C3orf20: variants seen among roughly 807,000 people sequenced by gnomAD.
The protein encoded by C3orf20 is uncharacterized protein C3orf20.
Under a neutral mutation model 88.3 loss-of-function variants are expected in C3orf20, and 76 were observed. The observed-to-expected ratio is 0.86, with a 90% CI of 0.72 to 1.04. The LOEUF (loss-of-function observed/expected upper bound fraction) is 1.04. Ranked by LOEUF, C3orf20 falls within the 50% of genes least tolerant of loss-of-function variation. The pLI is 0.00. For missense variants in C3orf20, 1,056 were observed against 1,123.3 expected, an observed-to-expected ratio of 0.94 and a Z score of 0.86; for synonymous variants, 436 against 437.4, an observed-to-expected ratio of 1.00 and a Z score of 0.04.
At chr3:14,714,317 G>A (rs2033865366) in intron 8 of C3orf20, among the ~76,000 whole-genome samples, 158 bp downstream of exon 8, 2 of 152,134 alleles carry the variant, frequency 1.3e-5, no homozygotes, top group South Asian at 4.1e-4. Context: ...TGTTTCTGCA[G>A]GGACATAGGA....
chr3:14,727,322 G>C (rs549937883), intron 11 of C3orf20, among the ~76,000 whole-genome samples: 1 of 152,286 alleles, frequency 6.6e-6, no homozygotes, highest in African/African-American at 2.4e-5. Flanking sequence ...TTTCTCGGTA[G>C]CTGGCTGTGT....
intron 4 of C3orf20, among the ~76,000 whole-genome samples, chr3:14,685,290 G>T (rs919332892): frequency 6.6e-6 from 1 of 152,080 alleles, no homozygotes; most frequent in Non-Finnish European, 1.5e-5. Flanking sequence ...ATCATTTATA[G>T]GTACATTACA....
rs1051829337 is a variant in C3orf20 at position 14,701,781 on chromosome 3, G to A, written c.746-1349G>A. Among the ~76,000 whole-genome samples the A allele has an allele frequency of 1.1e-4, 17 of 152,148 alleles. No individual in the cohort carries two copies. The highest frequency in any genetic ancestry group is 3.3e-4 in the Admixed American group (5 of 15,276). On this transcript the variant is annotated intron_variant, in intron 5 of 16. Coordinates refer to ENST00000253697, the MANE Select transcript of C3orf20 (RefSeq NM_032137.5). The surrounding 1 kb of genome is among the most constrained non-coding windows in gnomAD (Gnocchi z 4.6). Reference sequence around the variant, plus strand: ...AAAAGGGTCCAATTCAGTGAGGGCCGTCCAGCCCTGGAAATGCTCTCTTTT... The same window carrying A: ...AAAAGGGTCCAATTCAGTGAGGGCCATCCAGCCCTGGAAATGCTCTCTTTT...
chr3:14,738,820 T>TG (rs1333317439), intron 12 of C3orf20, among the ~76,000 whole-genome samples: 14 of 145,798 alleles, frequency 9.6e-5, no homozygotes, highest in African/African-American at 3.5e-4. Context: ...TTTTTGTTTT[T>TG]TTTTTTTTTT....
intron 12 of C3orf20, among the ~76,000 whole-genome samples, chr3:14,729,793 G>A (rs925709978): frequency 2.3e-4 from 35 of 152,290 alleles, no homozygotes; most frequent in Admixed American, 1.1e-3. Context: ...TGATCCACCC[G>A]CCTGGGCTCC....
At chr3:14,749,560 G>C (rs1047210867) in intron 12 of C3orf20, among the ~76,000 whole-genome samples, 5 of 151,946 alleles carry the variant, frequency 3.3e-5, no homozygotes, top group African/African-American at 9.7e-5. Flanking sequence ...ACTGATCTGA[G>C]TTTTGTTTAA....
intron 12 of C3orf20, among the ~76,000 whole-genome samples, chr3:14,730,344 G>C (rs2034498514): frequency 6.6e-6 from 1 of 152,138 alleles, no homozygotes; most frequent in South Asian, 2.1e-4. Context: ...TTGGGAGATA[G>C]AGACCATCCT....
chr3:14,692,820 GGAGAGTTT>G (rs1259998515), intron 5 of C3orf20, among the ~76,000 whole-genome samples: 1 of 152,142 alleles, frequency 6.6e-6, no homozygotes, highest in African/African-American at 2.4e-5. Context: ...CCAACGTCCT[GGAGAGTTT>G]CCCCTAATGT....
chr3:14,704,229 A>G (rs2033400988), intron 6 of C3orf20, 108 bp from the exon 7 acceptor site: 1 of 1,159,564 alleles, frequency 8.6e-7, no homozygotes, highest in Non-Finnish European at 1.2e-6. Context: ...TACTTTGGGG[A>G]CAGGGGAATG....
chr3:14,685,836 G>A (rs1188644606), intron 4 of C3orf20, among the ~76,000 whole-genome samples: 1 of 133,050 alleles, frequency 7.5e-6, no homozygotes, highest in African/African-American at 2.8e-5. Context: ...CACTTATGTT[G>A]TAGCAAATGG....
chr3:14,684,723 T>C (rs889205263), intron 4 of C3orf20, among the ~76,000 whole-genome samples: 2 of 152,182 alleles, frequency 1.3e-5, no homozygotes, highest in Admixed American at 6.5e-5. Context: ...TTTAAACACA[T>C]GATAAATGTC....
At position 14,683,232 on chromosome 3, in the gene C3orf20, A is replaced by C. The variant is rs567176613; in HGVS notation, c.484+35A>C. 3 of 1,530,092 alleles carry C rather than the reference A, an allele frequency of 2.0e-6. No individual in the cohort carries two copies. In the African/African-American group the frequency reaches 4.1e-5, roughly 21 times the overall value. The allele number at this position is 1,530,092 out of a possible 1,614,324, so 94.8% of individuals were successfully genotyped here. On this transcript the variant is annotated intron_variant, in intron 3 of 16. Transcript: ENST00000253697. ...AGATGTTTGTGTATGTGCCCACCAC[A>C]CCCACTACAGACGGGCGTCTCAGAG...
At position 14,714,043 on chromosome 3, in the gene C3orf20, C is replaced by T; in HGVS notation, c.1197C>T (p.Pro399=). The change falls in exon 8 of 17, where the codon CCC becomes CCT. Residue 399 remains proline (P), a synonymous_variant. Coordinates refer to ENST00000253697, the MANE Select transcript of C3orf20 (RefSeq NM_032137.5). ...GAAACGTCGCTGTATGTCAGATCCCCACATGCTGCAGAGGGAGAACCATCA... is the reference window on the plus strand; with the variant it reads ...GAAACGTCGCTGTATGTCAGATCCCTACATGCTGCAGAGGGAGAACCATCA... The part of the protein sequence containing the change: ...PSGNVAVCQI[P]TCCRGRTITC... The T allele has an allele frequency of 6.2e-7, 1 of 1,614,132 alleles. No homozygotes were observed. Among genetic ancestry groups the T allele is most frequent in the South Asian group, 1.1e-5 (1 of 91,084 alleles).
At chr3:14,697,182 C>G (rs960565206) in intron 5 of C3orf20, among the ~76,000 whole-genome samples, 1 of 152,102 alleles carries the variant, frequency 6.6e-6, no homozygotes, top group Non-Finnish European at 1.5e-5. Context: ...GCTTAGTGTT[C>G]TGTAACCTTC....
chr3:14,721,652 G>A lies in C3orf20; in HGVS notation c.1435-1G>A, dbSNP rs1436545882. 3 of 1,613,958 alleles carry A rather than the reference G, an allele frequency of 1.9e-6. No homozygotes were observed. Among genetic ancestry groups the A allele is most frequent in the Admixed American group, 1.7e-5 (1 of 60,002 alleles). ...TCTGAGTACTGTTTCTTCATCTACA[G>A]GTGAATGAGGAAATGAAACTAAAGG... On this transcript the variant is annotated splice_acceptor_variant, in intron 9 of 16. Transcript: ENST00000253697. LOFTEE classifies it high-confidence loss of function.
rs371627583 is a variant in C3orf20, at chr3:14,761,453, C to T, written c.2353-20C>T. 7.1e-5 allele frequency: 115 copies of T among 1,613,852 alleles called. No homozygotes were observed. Among genetic ancestry groups the T allele is most frequent in the Non-Finnish European group, 9.7e-5 (114 of 1,179,996 alleles). ...TGCTGATGTGCTGAGGATCTCTCCT[C>T]ATTTCCTTCCTGTCAACAGATGTTT... is the stretch of plus-strand genomic sequence containing the variant. On this transcript the variant is annotated intron_variant, in intron 14 of 16. Transcript: ENST00000253697.
In C3orf20 at chr3:14,715,303, T is replaced by C; in HGVS notation, c.1328T>C (p.Leu443Ser). 6.2e-7 allele frequency: 1 copy of C among 1,612,244 alleles called. No individual in the cohort carries two copies. Among genetic ancestry groups the C allele is most frequent in the Non-Finnish European group, 8.5e-7 (1 of 1,179,710 alleles). Reference protein sequence around the residue: ...YNLKTSCPYVLILDEEGGTTN... With the variant: ...YNLKTSCPYVSILDEEGGTTN... ...ATCTCTCCTAGTTGCCCATATGTCT[T>C]AATCTTGGATGAGGAAGGTGGGACC... is the stretch of plus-strand genomic sequence containing the variant. The change falls in exon 9 of 17, where the codon TTA (leucine) becomes TCA (serine). Residue 443 changes from leucine to serine, a missense_variant. Coordinates refer to ENST00000253697, the MANE Select transcript of C3orf20 (RefSeq NM_032137.5).
At chr3:14,677,833 A>G (rs940908456) in intron 1 of C3orf20, among the ~76,000 whole-genome samples, 2 of 152,136 alleles carry the variant, frequency 1.3e-5, no homozygotes, top group African/African-American at 4.8e-5. Context: ...GGCAGAAATA[A>G]GTGTGCTGTG....
intron 9 of C3orf20, among the ~76,000 whole-genome samples, chr3:14,716,623 G>T (rs1368939836): frequency 6.6e-5 from 10 of 151,964 alleles, no homozygotes; most frequent in Non-Finnish European, 1.5e-4. Context: ...TCCTCTCTTT[G>T]CCAGTGCAAA....
Sources: gnomAD v4.1 joint callset for allele counts (sites outside exome capture counted in the v4.1 genomes callset) on GRCh38, gnomAD v4.1.1 for gene constraint, Gnocchi (gnomAD v3.1) non-coding constraint, MANE v1.5 for transcripts, NCBI Gene and HGNC (gene_info 2026-07-23, HGNC 2026-07-21) for gene names.